The following TBX1 variants were observed in gnomAD, a reference collection of about 807,000 sequenced individuals.
TBX1 encodes T-box transcription factor TBX1.
In TBX1, 16 loss-of-function variants were observed where a neutral mutation model predicts 40.8. The ratio of observed to expected loss-of-function variants is 0.39; its 90% CI spans 0.27 to 0.60. The LOEUF is 0.60. Ranked by LOEUF, TBX1 falls within the 20% of genes least tolerant of loss-of-function variation. TBX1 has a pLI of 0.51. For synonymous variants in TBX1, 403 were observed against 336.8 expected, an observed-to-expected ratio of 1.20 and a Z score of -2.15; for missense variants, 755 against 728.5, an observed-to-expected ratio of 1.04 and a Z score of -0.42.
chr22:19,768,346 A>T (rs888381870), downstream of TBX1, among the ~76,000 whole-genome samples: 8 of 152,120 alleles, frequency 5.3e-5, no homozygotes, highest in African/African-American at 1.7e-4. Flanking sequence ...TTTCGTATAC[A>T]TGTTTGCTCT....
At chr22:19,779,662 A>C (rs41298012), downstream of TBX1, 47 of 865,882 alleles carry the variant, frequency 5.4e-5, no homozygotes, top group African/African-American at 6.7e-4. Flanking sequence ...ACACTTCTAA[A>C]TATTTAATGG....
rs537895905 is a variant in TBX1 at position 19,763,863 on chromosome 22, G to A, written c.540-292G>A. On this transcript the variant is annotated intron_variant, in intron 2 of 6. Coordinates refer to ENST00000649276, the MANE Select transcript of TBX1 (RefSeq NM_001379200.1). ...TGTGGGCTCCCACCGCAGCGGCACC[G>A]GGGCGGGAGGACCCGCATCCAGCGA... Among the ~76,000 whole-genome samples the A allele has an allele frequency of 4.3e-4, 65 of 152,304 alleles. No homozygotes were observed. The South Asian group carries it at 5.8e-3, about 14-fold the overall frequency.
At chr22:19,778,120 C>A (rs1937094968) in intron 8 of TBX1, among the ~76,000 whole-genome samples, 1 of 152,104 alleles carries the variant, frequency 6.6e-6, no homozygotes, top group African/African-American at 2.4e-5. Context: ...GAGACAGGAT[C>A]TTGCTCTGTC....
downstream of TBX1, among the ~76,000 whole-genome samples, chr22:19,770,575 C>T (rs777042231): frequency 3.3e-5 from 5 of 152,196 alleles, no homozygotes; most frequent in Non-Finnish European, 7.3e-5. Flanking sequence ...CCTTGAGCTG[C>T]GGAGGAAGAC....
intron 8 of TBX1, among the ~76,000 whole-genome samples, chr22:19,773,568 C>T (rs1490325106): frequency 6.6e-6 from 1 of 152,204 alleles, no homozygotes; most frequent in Non-Finnish European, 1.5e-5. Context: ...CAGGCAGGCA[C>T]CCCCTTCAGG....
chr22:19,767,344 G>C (rs1243121002), downstream of TBX1: 21 of 988,018 alleles, frequency 2.1e-5, no homozygotes, highest in Non-Finnish European at 2.3e-5. Context: ...AGCCGCCTGC[G>C]TGTCCATTTA....
In TBX1 at chr22:19,777,758, A is replaced by ATTTT. The variant is rs55676186; in HGVS notation, c.1010-1446_1010-1443dup. ...GGTTCAGGGTGTGTTGTTACTCTTA[A>ATTTT]TTTTTTTTTTTTTTTTTTTGAGACA... On this transcript the variant is annotated intron_variant, in intron 8 of 8. Coordinates refer to the TBX1 transcript ENST00000329705. 2.3e-5 allele frequency among the ~76,000 whole-genome samples: 3 copies of ATTTT among 129,756 alleles called. 1 individual carries two copies. The highest frequency in any genetic ancestry group is 4.9e-5 in the Non-Finnish European group (3 of 61,532). 85.1% of individuals were successfully genotyped at this position (129,756 alleles called of 152,430 possible).
At position 19,760,813 on chromosome 22, in the gene TBX1, T is replaced by A; in HGVS notation, c.-31T>A. On this transcript the variant is annotated 5_prime_UTR_variant, in exon 1 of 7. Transcript: ENST00000649276. ...CGGCGCGGGGCAGCGCTCAGCTTGG[T>A]GGCGGGGGCGGCGGCGGCGGCCCGC... The A allele has an allele frequency of 1.5e-6, 1 of 687,620 alleles. No homozygotes were observed. Among genetic ancestry groups the A allele is most frequent in the Non-Finnish European group, 1.7e-6 (1 of 580,980 alleles). The allele number at this position is 687,620 out of a possible 1,614,324, so 42.6% of individuals were successfully genotyped here. A position where few individuals can be genotyped will look rare whatever the true frequency, so the allele number is the denominator to read the frequency against.
chr22:19,769,132 TG>T (rs1256003122), downstream of TBX1, among the ~76,000 whole-genome samples: 2 of 152,020 alleles, frequency 1.3e-5, no homozygotes, highest in African/African-American at 4.8e-5. Flanking sequence ...GGCTAATTTT[TG>T]TATTTTTAGT....
upstream of TBX1, among the ~76,000 whole-genome samples, chr22:19,757,723 G>A (rs1936518752): frequency 1.3e-5 from 2 of 152,184 alleles, no homozygotes; most frequent in Non-Finnish European, 2.9e-5. Flanking sequence ...GGGGACAATG[G>A]CTGGTCCTGC....
At chr22:19,767,870 C>A (rs573541743), downstream of TBX1, among the ~76,000 whole-genome samples, 12 of 152,230 alleles carry the variant, frequency 7.9e-5, no homozygotes, top group Admixed American at 2.6e-4. Flanking sequence ...ATTTCCCCTG[C>A]CGGCCTAGCC....
chr22:19,760,474 GGAGA>G (rs979293240), upstream of TBX1, among the ~76,000 whole-genome samples: 1 of 148,146 alleles, frequency 6.8e-6, no homozygotes, highest in Non-Finnish European at 1.5e-5. Context: ...AGAACGTCTG[GGAGA>G]GAGAGAGGAG....
chr22:19,756,740 G>A (rs573744392), upstream of TBX1: 1 of 152,522 alleles, frequency 6.6e-6, no homozygotes, highest in East Asian at 1.9e-4. Flanking sequence ...ACCGCGGCCG[G>A]GCCAGGTGAG....
chr22:19,757,812 C>G (rs1448400043), upstream of TBX1, among the ~76,000 whole-genome samples: 2 of 152,214 alleles, frequency 1.3e-5, no homozygotes, highest in South Asian at 4.1e-4. Flanking sequence ...TCCCTGGGTC[C>G]CCTCAGTGAC....
chr22:19,782,946 G>T (rs1049166128), downstream of TBX1: 35 of 1,594,586 alleles, frequency 2.2e-5, no homozygotes, highest in Non-Finnish European at 3.0e-5. Flanking sequence ...CTCCAACCTG[G>T]CTTGCTGGAC....
At chr22:19,771,892 G>C (rs1030248852), downstream of TBX1, among the ~76,000 whole-genome samples, 2 of 152,198 alleles carry the variant, frequency 1.3e-5, no homozygotes, top group Non-Finnish European at 2.9e-5. Flanking sequence ...CTGTGGCCTC[G>C]GGCAACGCTG....
chr22:19,766,344 C>T (rs977037296), intron 6 of TBX1, 45 bp from the exon 7 acceptor site: 2 of 1,247,836 alleles, frequency 1.6e-6, no homozygotes, highest in Non-Finnish European at 2.0e-6. Context: ...CGGAGCTCCT[C>T]GGCGGCCCCG....
chr22:19,759,781 T>G, upstream of TBX1: 1 of 1,344,040 alleles, frequency 7.4e-7, no homozygotes, highest in Admixed American at 1.9e-5. Flanking sequence ...CTTGGTAGCG[T>G]GGGCTCCAGG....
chr22:19,778,804 A>G (rs1937105554), intron 8 of TBX1, among the ~76,000 whole-genome samples: 1 of 152,118 alleles, frequency 6.6e-6, no homozygotes. Flanking sequence ...CTGTAATCCC[A>G]GCTACTTGGG....
Sources: gnomAD v4.1 joint callset for allele counts (sites outside exome capture counted in the v4.1 genomes callset) on GRCh38, gnomAD v4.1.1 for gene constraint, MANE v1.5 for transcripts, NCBI Gene and HGNC (gene_info 2026-07-23, HGNC 2026-07-21) for gene names.